ZNF804B: variants seen among roughly 807,000 people sequenced by gnomAD.
ZNF804B encodes zinc finger protein 804B, also known as zinc finger 804B.
Under a neutral mutation model 101.4 loss-of-function variants are expected in ZNF804B, and 80 were observed. The observed-to-expected ratio is 0.79, with a 90% confidence interval of 0.66 to 0.95. The LOEUF is 0.95. Ranked by LOEUF, ZNF804B falls within the 40% of genes least tolerant of loss-of-function variation. The pLI, the probability that ZNF804B is intolerant of heterozygous loss-of-function variation, is 0.00. For missense variants in ZNF804B, 1,673 were observed against 1,561.9 expected, an observed-to-expected ratio of 1.07 and a Z score of -1.20; for synonymous variants, 622 against 558.8, an observed-to-expected ratio of 1.11 and a Z score of -1.59.
chr7:89,013,893 T>C (rs893787234), intron 1 of ZNF804B, among the ~76,000 whole-genome samples: 1 of 152,234 alleles, frequency 6.6e-6, no homozygotes, highest in Non-Finnish European at 1.5e-5. Context: ...TACCAGCTTA[T>C]TTTATTTAAC....
intron 2 of ZNF804B, among the ~76,000 whole-genome samples, chr7:89,250,197 A>T (rs183953852): frequency 6.2e-4 from 95 of 152,068 alleles, no homozygotes; most frequent in Middle Eastern, 6.8e-3. Flanking sequence ...ATTAAAAAAA[A>T]ATATAGGTAA....
chr7:89,262,960 T>G (rs1789732259), intron 2 of ZNF804B, among the ~76,000 whole-genome samples: 1 of 142,840 alleles, frequency 7.0e-6, no homozygotes, highest in African/African-American at 2.6e-5. Context: ...TGCTGCTTTC[T>G]TGTGCACTTT....
chr7:88,923,163 G>C (rs1345755236), intron 1 of ZNF804B, among the ~76,000 whole-genome samples: 3 of 151,998 alleles, frequency 2.0e-5, no homozygotes, highest in Non-Finnish European at 4.4e-5. Context: ...TGTGACGTGA[G>C]CTGACTCACA....
rs140491713 is a variant in ZNF804B, at chr7:89,225,610, T to A, written c.249+7315T>A. Among the ~76,000 whole-genome samples, 577 of 152,242 alleles carry A rather than the reference T, an allele frequency of 3.8e-3. 3 individuals are homozygous for A. Among genetic ancestry groups the A allele is most frequent in the African/African-American group, 0.013 (554 of 41,568 alleles). On this transcript the variant is annotated intron_variant, in intron 2 of 3. Transcript: ENST00000333190. The stretch of plus-strand genomic sequence containing the variant: ...TGTCCTATGTCAATACATTGACCTA[T>A]CATTGACTAATCATTTCTTAAGTGA...
chr7:89,177,251 G>A (rs1412873563), intron 1 of ZNF804B, among the ~76,000 whole-genome samples: 1 of 152,102 alleles, frequency 6.6e-6, no homozygotes, highest in East Asian at 1.9e-4. Flanking sequence ...AGCACTTATA[G>A]CTAAAACATA....
intron 1 of ZNF804B, among the ~76,000 whole-genome samples, chr7:89,022,578 G>A (rs77522439): frequency 2.6e-5 from 4 of 152,116 alleles, no homozygotes; most frequent in Admixed American, 6.5e-5. Context: ...TTACTAAAGG[G>A]CACATAGGCT....
chr7:89,334,479 A>C lies in ZNF804B; in HGVS notation c.1497A>C (p.Thr499=). The C allele has an allele frequency of 6.2e-7, 1 of 1,613,818 alleles. No individual in the cohort carries two copies. Among genetic ancestry groups the C allele is most frequent in the Non-Finnish European group, 8.5e-7 (1 of 1,179,858 alleles). The change falls in exon 4 of 4, where the codon ACA becomes ACC. Residue 499 remains threonine (T), a synonymous_variant. Transcript: ENST00000333190. ...ACCACAATCTAGAGGACTTAAAAACAGAATTGGGTAAGAAGCCCTTGGAAT... is the reference window on the plus strand; with the variant it reads ...ACCACAATCTAGAGGACTTAAAAACCGAATTGGGTAAGAAGCCCTTGGAAT... ...KEDHNLEDLK[T]ELGKKPLELK...
chr7:89,336,867 G>T lies in ZNF804B; in HGVS notation c.3885G>T (p.Leu1295Phe). 2 of 1,613,908 alleles carry T rather than the reference G, an allele frequency of 1.2e-6. No individual in the cohort carries two copies. Among genetic ancestry groups the T allele is most frequent in the African/African-American group, 1.3e-5 (1 of 74,940 alleles). The stretch of plus-strand genomic sequence containing the variant: ...CCCCTACAGCATTTATTCCTACATT[G>T]TTTGGTCCTCACTTAAATCCAGCCA... Reference protein sequence around the residue: ...PLPPTAFIPTLFGPHLNPATT... With the variant: ...PLPPTAFIPTFFGPHLNPATT... The change falls in exon 4 of 4, where the codon TTG becomes TTT. Residue 1295 changes from leucine (L) to phenylalanine (F), a missense_variant. Physicochemically the swap from Leu to Phe is conservative, Grantham distance 22. Coordinates refer to ENST00000333190, the MANE Select transcript of ZNF804B (RefSeq NM_181646.5).
chr7:89,012,983 A>G (rs758508305), intron 1 of ZNF804B, among the ~76,000 whole-genome samples: 5 of 152,164 alleles, frequency 3.3e-5, no homozygotes, highest in Non-Finnish European at 5.9e-5. Flanking sequence ...TCTTCCCAGG[A>G]TGGCAGGAGA....
rs139091097 is a variant in ZNF804B at position 89,222,462 on chromosome 7, C to T, written c.249+4167C>T. Among the ~76,000 whole-genome samples, 446 of 152,064 alleles carry T rather than the reference C, an allele frequency of 2.9e-3. 3 individuals are homozygous for T. Among genetic ancestry groups the T allele is most frequent in the Middle Eastern group, 0.01 (3 of 294 alleles). On this transcript the variant is annotated intron_variant, in intron 2 of 3. Transcript: ENST00000333190. ...TCAAACTATCCCATTTATATGATCA[C>T]TCTTTTCCTAGGAAATCTTTAGTGC...
At chr7:89,188,022 A>C (rs1788400033) in intron 1 of ZNF804B, among the ~76,000 whole-genome samples, 1 of 151,936 alleles carries the variant, frequency 6.6e-6, no homozygotes, top group African/African-American at 2.4e-5. Context: ...AAGTCATTTG[A>C]TTGTGTTTCA....
chr7:89,221,742 TTCTATTCTATCTATATGCA>T, intron 2 of ZNF804B, among the ~76,000 whole-genome samples: 1 of 143,312 alleles, frequency 7.0e-6, no homozygotes, highest in East Asian at 2.0e-4. Context: ...TTCTATTCTA[TTCTATTCTATCTATATGCA>T]CACTTCCATC....
chr7:88,954,839 T>C (rs1389680186), intron 1 of ZNF804B, among the ~76,000 whole-genome samples: 1 of 151,652 alleles, frequency 6.6e-6, no homozygotes, highest in East Asian at 2.0e-4. Flanking sequence ...ACTATTTGGT[T>C]TTACAATTTG....
intron 1 of ZNF804B, among the ~76,000 whole-genome samples, chr7:88,974,994 A>AT: frequency 6.6e-6 from 1 of 151,292 alleles, no homozygotes; most frequent in Middle Eastern, 3.2e-3. Flanking sequence ...TATTGTTTTA[A>AT]TTTTTAGCTC....
intron 1 of ZNF804B, among the ~76,000 whole-genome samples, chr7:88,953,711 T>C (rs1479094018): frequency 6.6e-6 from 1 of 151,732 alleles, no homozygotes; most frequent in African/African-American, 2.4e-5. Context: ...CTTAAGATTC[T>C]TCTTTATACT....
intron 2 of ZNF804B, among the ~76,000 whole-genome samples, chr7:89,251,846 G>A (rs1485114637): frequency 6.6e-6 from 1 of 152,054 alleles, no homozygotes; most frequent in Non-Finnish European, 1.5e-5. Flanking sequence ...TGGGATACGT[G>A]GCCAGCCATA....
intron 1 of ZNF804B, among the ~76,000 whole-genome samples, chr7:88,865,807 T>G (rs1308456936): frequency 6.6e-6 from 1 of 152,206 alleles, no homozygotes; most frequent in Non-Finnish European, 1.5e-5. Context: ...TTTTTATGTC[T>G]TTGTAACTCG....
At chr7:89,064,662 T>C (rs966077826) in intron 1 of ZNF804B, among the ~76,000 whole-genome samples, 1 of 152,144 alleles carries the variant, frequency 6.6e-6, no homozygotes, top group Admixed American at 6.6e-5. Flanking sequence ...TGGTGGGGCA[T>C]GTCATGTGCA....
chr7:88,797,184 C>T (rs1361984582), intron 1 of ZNF804B, among the ~76,000 whole-genome samples: 1 of 152,040 alleles, frequency 6.6e-6, no homozygotes, highest in Non-Finnish European at 1.5e-5. Flanking sequence ...CATGTTTCAT[C>T]CAAGTTATAT....
Sources: allele counts gnomAD v4.1 joint callset (sites outside exome capture counted in the v4.1 genomes callset), GRCh38; gene constraint gnomAD v4.1.1; transcripts MANE v1.5; gene names NCBI Gene and HGNC (gene_info 2026-07-23, HGNC 2026-07-21).